The following PIWIL1 variants were observed in gnomAD, a reference collection of about 807,000 sequenced individuals.
PIWIL1 encodes piwi-like protein 1.
Under a neutral mutation model 114.4 loss-of-function variants are expected in PIWIL1, and 73 were observed. The observed-to-expected ratio is 0.64, with a 90% confidence interval of 0.53 to 0.78. The LOEUF (loss-of-function observed/expected upper bound fraction) is 0.78, where lower values mean the gene tolerates loss of function less well. PIWIL1 is among the 30% of genes least tolerant of loss of function. The pLI is 0.00. For synonymous variants in PIWIL1, 375 were observed against 369.0 expected (o/e 1.02, Z -0.19); for missense variants, 723 against 1,063.1 (o/e 0.68, Z 4.45).
At chr12:130,415,872 A>C in the PIWIL1 span, among the ~76,000 whole-genome samples, 5 of 152,224 alleles carry the variant, frequency 3.3e-5, no homozygotes, top group Admixed American at 3.3e-4. Flanking sequence ...ATACAAAATC[A>C]ATGTATAAAA....
chr12:130,409,452 C>T, the PIWIL1 span, among the ~76,000 whole-genome samples: 23 of 145,866 alleles, frequency 1.6e-4, no homozygotes, highest in South Asian at 4.9e-3. Flanking sequence ...ATGCGATTCT[C>T]CTGCTTCGGC....
At chr12:130,356,814 A>G in intron 12 of PIWIL1, 104 bp from the exon 13 acceptor site, 1 of 728,756 alleles carries the variant, frequency 1.4e-6, no homozygotes, top group East Asian at 2.6e-5. Flanking sequence ...TAAAAGTAGT[A>G]CACTAAGTTT....
At chr12:130,377,766 G>A in the PIWIL1 span, among the ~76,000 whole-genome samples, 1 of 152,248 alleles carries the variant, frequency 6.6e-6, no homozygotes, top group Non-Finnish European at 1.5e-5. Context: ...GGCAGGGCCT[G>A]AGGTACCTTA....
intron 14 of PIWIL1, 70 bp from the exon 15 acceptor site, chr12:130,361,110 T>C: frequency 7.1e-7 from 1 of 1,403,964 alleles, no homozygotes; most frequent in Non-Finnish European, 9.9e-7. Context: ...TGAGTTTAGT[T>C]TCCTGTCCTC....
chr12:130,389,222 T>C, the PIWIL1 span, among the ~76,000 whole-genome samples: 1 of 152,120 alleles, frequency 6.6e-6, no homozygotes, highest in Non-Finnish European at 1.5e-5. Context: ...TTAGAGTGTT[T>C]ACACTTACAT....
chr12:130,392,741 C>T, the PIWIL1 span, among the ~76,000 whole-genome samples: 47 of 23,676 alleles, frequency 2.0e-3, 1 homozygote, highest in African/African-American at 4.5e-3. Flanking sequence ...CACGTGTGTC[C>T]GTCAGTTACC....
chr12:130,381,302 A>AC, the PIWIL1 span, among the ~76,000 whole-genome samples: 1 of 152,038 alleles, frequency 6.6e-6, no homozygotes, highest in Non-Finnish European at 1.5e-5. Context: ...CATGGCCCTA[A>AC]CACCTCCCTG....
At chr12:130,340,064 A>C (rs1480084129) in intron 1 of PIWIL1, among the ~76,000 whole-genome samples, 1 of 152,158 alleles carries the variant, frequency 6.6e-6, no homozygotes, top group East Asian at 1.9e-4. Flanking sequence ...GGGAGGGAGA[A>C]AACAGGTTAC....
the PIWIL1 span, chr12:130,397,752 T>C: frequency 1.6e-5 from 6 of 372,432 alleles, no homozygotes; most frequent in Admixed American, 1.8e-4. Flanking sequence ...ATGTGTGGGT[T>C]CCGTTTCTCT....
intron 16 of PIWIL1, 40 bp downstream of exon 16, chr12:130,361,641 T>G (rs765384275): frequency 1.3e-6 from 2 of 1,501,708 alleles, no homozygotes; most frequent in Admixed American, 1.7e-5. Context: ...AGTGAGGACA[T>G]AAAGCAGGGT....
chr12:130,350,385 T>C (rs1215738126), intron 9 of PIWIL1, among the ~76,000 whole-genome samples: 1 of 152,252 alleles, frequency 6.6e-6, no homozygotes, highest in African/African-American at 2.4e-5. Flanking sequence ...CTGCTAAATC[T>C]ACTGCCTGTG....
Position 130,357,043 on chromosome 12 carries a change from A to C in PIWIL1, c.1530A>C (p.Ser510=). The change falls in exon 13 of 21, where the codon TCA becomes TCC. Residue 510 remains serine, a synonymous_variant. Transcript: ENST00000245255. ...YTRRNYEAAN[S]LIQNLFKVTP... Reference sequence around the variant, plus strand: ...GAAGAAATTATGAAGCAGCCAATTCATTGATACAAAATCTATTTAAAGTTA... The same window carrying C: ...GAAGAAATTATGAAGCAGCCAATTCCTTGATACAAAATCTATTTAAAGTTA... The C allele has an allele frequency of 6.2e-7, 1 of 1,613,932 alleles. No homozygotes were observed. Among genetic ancestry groups the C allele is most frequent in the Non-Finnish European group, 8.5e-7 (1 of 1,179,920 alleles).
the PIWIL1 span, among the ~76,000 whole-genome samples, chr12:130,404,525 C>T: frequency 2.4e-4 from 36 of 152,280 alleles, no homozygotes; most frequent in African/African-American, 8.2e-4. Context: ...ATATCGAATG[C>T]CTGACCTCAG....
At chr12:130,345,987 T>G (rs1333342018) in intron 4 of PIWIL1, 109 bp downstream of exon 4, 7 of 1,172,338 alleles carry the variant, frequency 6.0e-6, no homozygotes, top group Admixed American at 2.6e-5. Context: ...CTGCATGGCT[T>G]TTCGATTTTC....
chr12:130,406,774 G>A, the PIWIL1 span, among the ~76,000 whole-genome samples: 1 of 152,142 alleles, frequency 6.6e-6, no homozygotes, highest in African/African-American at 2.4e-5. Flanking sequence ...AGCCTCCTGA[G>A]CAGCTGGGAC....
chr12:130,367,370 T>A, intron 19 of PIWIL1, 112 bp downstream of exon 19: 1 of 1,036,390 alleles, frequency 9.6e-7, no homozygotes, highest in Non-Finnish European at 1.3e-6. Flanking sequence ...CTTATATTTT[T>A]TATAAACATT....
the PIWIL1 span, chr12:130,396,040 G>A: frequency 3.4e-5 from 5 of 149,024 alleles, no homozygotes; most frequent in African/African-American, 9.8e-5. Flanking sequence ...TCCCAGAAAC[G>A]GTAAGGTTAT....
chr12:130,413,295 C>A, the PIWIL1 span, among the ~76,000 whole-genome samples: 16 of 152,090 alleles, frequency 1.1e-4, no homozygotes, highest in Non-Finnish European at 2.1e-4. Flanking sequence ...TCCTACTGAA[C>A]AGCACACTTT....
the PIWIL1 span, among the ~76,000 whole-genome samples, chr12:130,377,831 A>C: frequency 2.0e-5 from 3 of 152,096 alleles, no homozygotes; most frequent in Admixed American, 1.3e-4. Context: ...ATCTGGCCTC[A>C]TGATTTGCTC....
Sources: allele counts gnomAD v4.1 joint callset (sites outside exome capture counted in the v4.1 genomes callset), GRCh38; gene constraint gnomAD v4.1.1; transcripts MANE v1.5; gene names NCBI Gene and HGNC (gene_info 2026-07-23, HGNC 2026-07-21).